Variants in GPR137B observed in about 807,000 individuals in gnomAD.
The protein encoded by GPR137B is integral membrane protein GPR137B.
In GPR137B, 42 loss-of-function variants were observed where a neutral mutation model predicts 42.5. The observed-to-expected ratio is 0.99, with a 90% CI of 0.77 to 1.28. GPR137B has a LOEUF of 1.28. Ranked by LOEUF, GPR137B falls within the 50% of genes most tolerant of loss-of-function variation. The pLI is 0.00. For synonymous variants in GPR137B, 218 were observed against 209.7 expected, an observed-to-expected ratio of 1.04 and a Z score of -0.34; for missense variants, 487 against 493.9, an observed-to-expected ratio of 0.99 and a Z score of 0.13.
chr1:236,183,947 A>C (rs190541672), intron 5 of GPR137B, 41 bp downstream of exon 5: 1 of 1,437,724 alleles, frequency 7.0e-7, no homozygotes, highest in Non-Finnish European at 9.7e-7. Context: ...ATGTCTCCTA[A>C]TTCTGATCAT....
chr1:236,156,093 A>G lies in GPR137B; in HGVS notation c.415-12613A>G, dbSNP rs759268716. On this transcript the variant is annotated intron_variant, in intron 1 of 6. Transcript: ENST00000366592. The surrounding 1 kb of genome is among the most constrained non-coding windows in gnomAD (Gnocchi z 4.8). ...GAGGGCTGGAGAAGGCTGCAAACAC[A>G]TCCAGGGAGCTCCGAGGTCTATGGA... Among the ~76,000 whole-genome samples, 2 of 152,224 alleles carry G rather than the reference A, an allele frequency of 1.3e-5. No homozygotes were observed. The highest frequency in any genetic ancestry group is 2.9e-5 in the Non-Finnish European group (2 of 68,034).
chr1:236,204,312 T>C (rs1663585262), intron 5 of GPR137B, among the ~76,000 whole-genome samples: 1 of 152,232 alleles, frequency 6.6e-6, no homozygotes, highest in South Asian at 2.1e-4. Context: ...GGTTTACTAG[T>C]ATTTTGTTGA....
At chr1:236,149,400 C>G (rs1276428697) in intron 1 of GPR137B, among the ~76,000 whole-genome samples, 1 of 152,166 alleles carries the variant, frequency 6.6e-6, no homozygotes, top group Non-Finnish European at 1.5e-5. Flanking sequence ...TTCAGGCTGA[C>G]CGATCCGTGC....
At chr1:236,189,445 G>A (rs1291410089) in intron 5 of GPR137B, among the ~76,000 whole-genome samples, 2 of 152,046 alleles carry the variant, frequency 1.3e-5, no homozygotes, top group Admixed American at 6.6e-5. Flanking sequence ...GCTTTCTCTT[G>A]TGGGCATTTT....
Position 236,178,741 on chromosome 1 carries a change from T to A in GPR137B, c.687+105T>A, listed in dbSNP as rs1662767946. On this transcript the variant is annotated intron_variant, in intron 3 of 6. Coordinates refer to ENST00000366592, the MANE Select transcript of GPR137B (RefSeq NM_003272.4). ...ATGAATTTTAGACTTGATTTTGCCTTGACTTTCTCCGTTTTATTGTCTCCC... is the reference window on the plus strand; with the variant it reads ...ATGAATTTTAGACTTGATTTTGCCTAGACTTTCTCCGTTTTATTGTCTCCC... The A allele has an allele frequency of 4.4e-6, 3 of 685,310 alleles. No individual in the cohort carries two copies. The East Asian group carries it at 7.9e-5, about 18-fold the overall frequency. The allele number at this position is 685,310 out of a possible 1,614,324, so 42.5% of individuals were successfully genotyped here. A position where few individuals can be genotyped will look rare whatever the true frequency, so the allele number is the denominator to read the frequency against.
chr1:236,178,510 G>T lies in GPR137B; in HGVS notation c.561G>T (p.Arg187Ser). The T allele has an allele frequency of 1.2e-6, 2 of 1,613,592 alleles. No homozygotes were observed. The highest frequency in any genetic ancestry group is 1.3e-5 in the African/African-American group (1 of 74,980). The change falls in exon 3 of 7, where the codon AGG (arginine) becomes AGT (serine). Residue 187 changes from arginine to serine, a missense_variant. By Grantham distance (110) the Arg-to-Ser change is moderately radical (BLOSUM62 -1). Transcript: ENST00000366592. ...TGGTAAAGACGGGAAATTGGGAGAG[G>T]AAGGTTATCGTCTCTGTGCGAGTGG... ...AVLVKTGNWE[R>S]KVIVSVRVAI...
At position 236,155,136 on chromosome 1, in the gene GPR137B, C is replaced by T. The variant is rs1257821833; in HGVS notation, c.414+12100C>T. ...TGTGCGGAACTGATGCCGAGACGGACTCCACCCAGGCAGTGGGCAGGCGGG... is the reference window on the plus strand; with the variant it reads ...TGTGCGGAACTGATGCCGAGACGGATTCCACCCAGGCAGTGGGCAGGCGGG... On this transcript the variant is annotated intron_variant, in intron 1 of 6. Coordinates refer to ENST00000366592, the MANE Select transcript of GPR137B (RefSeq NM_003272.4). The surrounding 1 kb of genome is among the most constrained non-coding windows in gnomAD (Gnocchi z 4.6). Among the ~76,000 whole-genome samples the T allele has an allele frequency of 6.6e-6, 1 of 152,222 alleles. No individual in the cohort carries two copies. Among genetic ancestry groups the T allele is most frequent in the Non-Finnish European group, 1.5e-5 (1 of 68,036 alleles).
chr1:236,176,754 C>T (rs10924518), intron 2 of GPR137B, among the ~76,000 whole-genome samples: 7,597 of 149,524 alleles, frequency 0.051, 605 homozygotes, highest in East Asian at 0.41. Flanking sequence ...TCCTTCTTCC[C>T]TCCCTCCCTC....
intron 1 of GPR137B, among the ~76,000 whole-genome samples, chr1:236,157,394 T>G (rs1316074021): frequency 1.3e-5 from 2 of 152,096 alleles, no homozygotes; most frequent in Non-Finnish European, 2.9e-5. Flanking sequence ...CGGCTAATTT[T>G]TTGTATTTTT....
At chr1:236,169,964 C>T (rs554944778) in intron 2 of GPR137B, among the ~76,000 whole-genome samples, 2 of 146,034 alleles carry the variant, frequency 1.4e-5, no homozygotes, top group Non-Finnish European at 3.0e-5. Context: ...CACTTGAGCT[C>T]AGGAGGCAGA....
chr1:236,203,785 GTTTC>G (rs955576070), intron 5 of GPR137B, among the ~76,000 whole-genome samples: 2 of 152,010 alleles, frequency 1.3e-5, no homozygotes, highest in Admixed American at 6.5e-5. Flanking sequence ...ATTACTTTTT[GTTTC>G]TTTTTCAGAT....
intron 2 of GPR137B, among the ~76,000 whole-genome samples, chr1:236,170,742 G>A (rs372688351): frequency 1.3e-5 from 2 of 152,104 alleles, no homozygotes; most frequent in African/African-American, 2.4e-5. Context: ...TTGGGAGGCC[G>A]AAGCAGGTAG....
At chr1:236,149,237 G>A (rs1469791784) in intron 1 of GPR137B, among the ~76,000 whole-genome samples, 1 of 128,984 alleles carries the variant, frequency 7.8e-6, no homozygotes, top group South Asian at 3.0e-4. Context: ...CCCGTAGGGA[G>A]CATGTGGCAA....
At chr1:236,193,768 C>G (rs1663261885) in intron 5 of GPR137B, among the ~76,000 whole-genome samples, 2 of 152,160 alleles carry the variant, frequency 1.3e-5, no homozygotes, top group Non-Finnish European at 1.5e-5. Flanking sequence ...TAAATATACT[C>G]TTAAGTCCCT....
chr1:236,169,171 A>ACTGCAG (rs1662450796), intron 2 of GPR137B, among the ~76,000 whole-genome samples: 1 of 140,298 alleles, frequency 7.1e-6, no homozygotes, highest in Non-Finnish European at 1.5e-5. Context: ...CCATGCTCCC[A>ACTGCAG]CTGCAGGTGC....
At chr1:236,178,865 T>C (rs1662782981) in intron 3 of GPR137B, among the ~76,000 whole-genome samples, 1 of 129,004 alleles carries the variant, frequency 7.8e-6, no homozygotes, top group Non-Finnish European at 1.6e-5. Flanking sequence ...TGGGGTGATC[T>C]CGGCTCACTG....
At chr1:236,172,451 A>G (rs1202835409) in intron 2 of GPR137B, among the ~76,000 whole-genome samples, 1 of 152,250 alleles carries the variant, frequency 6.6e-6, no homozygotes, top group Non-Finnish European at 1.5e-5. Context: ...AACTCAGCCA[A>G]GAACCACTTT....
intron 5 of GPR137B, among the ~76,000 whole-genome samples, chr1:236,204,881 TA>T (rs1663608667): frequency 6.6e-6 from 1 of 152,194 alleles, no homozygotes; most frequent in Non-Finnish European, 1.5e-5. Flanking sequence ...AATAAGGGAT[TA>T]AAACAATGAT....
chr1:236,164,811 C>G lies in GPR137B; in HGVS notation c.415-3895C>G, dbSNP rs529439231. Among the ~76,000 whole-genome samples, 96 of 151,732 alleles carry G rather than the reference C, an allele frequency of 6.3e-4. No homozygotes were observed. The South Asian group carries it at 0.011, about 17-fold the overall frequency. On this transcript the variant is annotated intron_variant, in intron 1 of 6. Coordinates refer to ENST00000366592, the MANE Select transcript of GPR137B (RefSeq NM_003272.4). ...GGAATTCAAACACAACTTTAAAGAACTTAAGTTTAGGAATTAACTTGAAGG... is the reference window on the plus strand; with the variant it reads ...GGAATTCAAACACAACTTTAAAGAAGTTAAGTTTAGGAATTAACTTGAAGG...
Sources: gnomAD v4.1 joint callset for allele counts (sites outside exome capture counted in the v4.1 genomes callset) on GRCh38, gnomAD v4.1.1 for gene constraint, Gnocchi (gnomAD v3.1) non-coding constraint, MANE v1.5 for transcripts, NCBI Gene and HGNC (gene_info 2026-07-23, HGNC 2026-07-21) for gene names.